The following IRS1 variants were observed in gnomAD, a reference collection of about 807,000 sequenced individuals.
IRS1 encodes insulin receptor substrate 1.
In IRS1, 34 loss-of-function variants were observed where a neutral mutation model predicts 65.6. The ratio of observed to expected loss-of-function variants is 0.52; its 90% CI spans 0.39 to 0.69. The LOEUF (loss-of-function observed/expected upper bound fraction) is 0.69, where lower values mean the gene tolerates loss of function less well. Ranked by LOEUF, IRS1 falls within the 30% of genes least tolerant of loss-of-function variation. The pLI is 0.00. For missense variants in IRS1, 1,641 were observed against 1,720.2 expected (o/e 0.95, Z 0.81); for synonymous variants, 699 against 683.5 (o/e 1.02, Z -0.35).
At chr2:226,747,909 T>C (rs994499713) in intron 1 of IRS1, among the ~76,000 whole-genome samples, 14 of 152,218 alleles carry the variant, frequency 9.2e-5, no homozygotes, top group Non-Finnish European at 1.9e-4. Context: ...TGGCTTCTAA[T>C]GGGTAAGGGC....
At position 226,798,306 on chromosome 2, in the gene IRS1, C is replaced by A. The variant is rs149302344; in HGVS notation, c.433G>T (p.Ala145Ser). The change falls in exon 1 of 2, where the codon GCT (alanine) becomes TCT (serine). Residue 145 changes from alanine (A) to serine (S), a missense_variant. Transcript: ENST00000305123. This position sits in a 1 kb window ranked among gnomAD's most constrained non-coding sequence, Gnocchi z 9.4. ...TCACCGTAGCTCAAGTCCTCCCCAG[C>A]CTCACCAAGGCCGGAGCTGCCGCTG... is the stretch of plus-strand genomic sequence containing the variant. ...SCSGSSGLGEAGEDLSYGDVP... is the reference protein window; with the variant it reads ...SCSGSSGLGESGEDLSYGDVP... The A allele has an allele frequency of 3.1e-6, 5 of 1,613,100 alleles. No individual in the cohort carries two copies. Among genetic ancestry groups the A allele is most frequent in the African/African-American group, 2.7e-5 (2 of 74,930 alleles).
chr2:226,796,035 C>G lies in IRS1; in HGVS notation c.2704G>C (p.Gly902Arg), dbSNP rs1939713250. Residue 902 changes from glycine to arginine, a missense_variant, in exon 1 of 2, where the codon GGG (glycine) becomes CGG (arginine). Coordinates refer to ENST00000305123, the MANE Select transcript of IRS1 (RefSeq NM_005544.3). ...GACAAGTAGCCAGACTGATCACTCCCAAATTCAATATTGACATATTCCCCC... is the reference window on the plus strand; with the variant it reads ...GACAAGTAGCCAGACTGATCACTCCGAAATTCAATATTGACATATTCCCCC... The part of the protein sequence containing the change: ...SPGEYVNIEF[G>R]SDQSGYLSGP... 1 of 1,614,172 alleles carries G rather than the reference C, an allele frequency of 6.2e-7. No homozygotes were observed. The highest frequency in any genetic ancestry group is 1.3e-5 in the African/African-American group (1 of 75,070).
In IRS1 at chr2:226,795,652, G is replaced by A. The variant is rs41272723; in HGVS notation, c.3087C>T (p.Ala1029=). The A allele has an allele frequency of 1.1e-4, 184 of 1,612,986 alleles. No individual in the cohort carries two copies. The highest frequency in any genetic ancestry group is 1.4e-4 in the Non-Finnish European group (168 of 1,179,932). The change falls in exon 1 of 2, where the codon GCC becomes GCT. Residue 1029 remains alanine (A), a synonymous_variant. Coordinates refer to ENST00000305123, the MANE Select transcript of IRS1 (RefSeq NM_005544.3). The part of the protein sequence containing the change: ...IAAEEVSLPR[A]TMAAASSSSA... ...AGGATGAGGAGGCAGCAGCCATGGT[G>A]GCCCTGGGCAGGCTCACCTCCTCTG...
chr2:226,768,938 C>A (rs528370674), intron 1 of IRS1, among the ~76,000 whole-genome samples: 2 of 152,146 alleles, frequency 1.3e-5, no homozygotes, highest in Non-Finnish European at 2.9e-5. Context: ...CCCAGCGAAT[C>A]CTTCTTTAAA....
Position 226,766,121 on chromosome 2 carries a change from T to TATATATATA in IRS1, c.*21+28867_*21+28868insTATATATAT, listed in dbSNP as rs1553531211. On this transcript the variant is annotated intron_variant, in intron 1 of 1. Coordinates refer to ENST00000305123, the MANE Select transcript of IRS1 (RefSeq NM_005544.3). ...ATTTTCCCAAGGCCCTCTCTTAATC[T>TATATATATA]TATATATATATATATATATATATAT... Among the ~76,000 whole-genome samples, 30 of 14,238 alleles carry TATATATATA rather than the reference T, an allele frequency of 2.1e-3. 1 individual carries two copies. Among genetic ancestry groups the TATATATATA allele is most frequent in the Middle Eastern group, 0.036 (1 of 28 alleles). 9.3% of individuals were successfully genotyped at this position (14,238 alleles called of 152,430 possible).
intron 1 of IRS1, among the ~76,000 whole-genome samples, chr2:226,782,657 T>G (rs1939405493): frequency 6.6e-6 from 1 of 152,188 alleles, no homozygotes; most frequent in Non-Finnish European, 1.5e-5. Flanking sequence ...TCCCTTCCAG[T>G]ACCATATTTG....
chr2:226,766,682 CTGG>C (rs1939054860), intron 1 of IRS1, among the ~76,000 whole-genome samples: 1 of 152,104 alleles, frequency 6.6e-6, no homozygotes, highest in Admixed American at 6.5e-5. Context: ...TGAAGGATCA[CTGG>C]TATTAAGTAT....
chr2:226,779,710 T>G lies in IRS1; in HGVS notation c.*21+15279A>C, dbSNP rs551553801. ...TATAAAAGTTCTTGGATCCTAAGTT[T>G]TAGCTCAATACTTCAAATGTCCAAC... On this transcript the variant is annotated intron_variant, in intron 1 of 1. Coordinates refer to ENST00000305123, the MANE Select transcript of IRS1 (RefSeq NM_005544.3). Among the ~76,000 whole-genome samples the G allele has an allele frequency of 2.0e-5, 3 of 152,336 alleles. No individual in the cohort carries two copies. In the East Asian group the frequency reaches 5.8e-4, roughly 29 times the overall value.
rs777028285 is a variant in IRS1 at position 226,797,233 on chromosome 2, C to A, written c.1506G>T (p.Thr502=). ...CTTCATCCCCAGCCAAGGCTGGACT[C>A]GTGCCCAAGCCTGTTCCTGGGGTGC... ...HRCTPGTGLG[T]SPALAGDEAA... The change falls in exon 1 of 2, where the codon ACG becomes ACT. Residue 502 remains threonine, a synonymous_variant. Coordinates refer to ENST00000305123, the MANE Select transcript of IRS1 (RefSeq NM_005544.3). This position sits in a 1 kb window ranked among gnomAD's most constrained non-coding sequence, Gnocchi z 8.1. 1 of 1,613,506 alleles carries A rather than the reference C, an allele frequency of 6.2e-7. No individual in the cohort carries two copies.
intron 1 of IRS1, among the ~76,000 whole-genome samples, chr2:226,766,157 A>ATT (rs1939040644): frequency 1.7e-4 from 1 of 5,786 alleles, no homozygotes; most frequent in Non-Finnish European, 4.0e-4. Context: ...ATATATATAT[A>ATT]TATATATTTT....
intron 1 of IRS1, among the ~76,000 whole-genome samples, chr2:226,762,689 C>A (rs1260632371): frequency 6.6e-6 from 1 of 152,132 alleles, no homozygotes; most frequent in Non-Finnish European, 1.5e-5. Flanking sequence ...TACTGTAAAG[C>A]CAGAAGAACT....
At chr2:226,747,058 G>A (rs1938561970) in intron 1 of IRS1, among the ~76,000 whole-genome samples, 1 of 152,026 alleles carries the variant, frequency 6.6e-6, no homozygotes, top group Admixed American at 6.6e-5. Context: ...CCAAAGTGCT[G>A]GGATTGCAGG....
chr2:226,799,224 G>T lies in IRS1; in HGVS notation c.-486C>A. On this transcript the variant is annotated 5_prime_UTR_variant, in exon 1 of 2. Coordinates refer to ENST00000305123, the MANE Select transcript of IRS1 (RefSeq NM_005544.3). This position sits in a 1 kb window ranked among gnomAD's most constrained non-coding sequence, Gnocchi z 6.1. The stretch of plus-strand genomic sequence containing the variant: ...GCAAATTAAATATCCTTGGGCAGGG[G>T]GAGGCGGGTTGCCAAGTCCCAACGT... The T allele has an allele frequency of 8.9e-7, 1 of 1,118,930 alleles. No individual in the cohort carries two copies. The highest frequency in any genetic ancestry group is 1.1e-6 in the Non-Finnish European group (1 of 898,300). The allele number at this position is 1,118,930 out of a possible 1,614,324, so 69.3% of individuals were successfully genotyped here. A position where few individuals can be genotyped will look rare whatever the true frequency, so the allele number is the denominator to read the frequency against.
At chr2:226,784,296 CTTACT>C (rs1198953981) in intron 1 of IRS1, among the ~76,000 whole-genome samples, 2 of 152,102 alleles carry the variant, frequency 1.3e-5, no homozygotes, top group African/African-American at 2.4e-5. Context: ...TTCATTCCTC[CTTACT>C]TTAATCTGGA....
chr2:226,791,653 G>T (rs902934530), intron 1 of IRS1, among the ~76,000 whole-genome samples: 3 of 151,868 alleles, frequency 2.0e-5, no homozygotes, highest in Non-Finnish European at 4.4e-5. Flanking sequence ...CGCCACCACC[G>T]CCAGGGGACC....
In IRS1 at chr2:226,795,328, A is replaced by ATCC; in HGVS notation, c.3408_3410dup (p.Glu1136dup). 5 of 1,613,420 alleles carry ATCC rather than the reference A, an allele frequency of 3.1e-6. No individual in the cohort carries two copies. The highest frequency in any genetic ancestry group is 1.1e-5 in the South Asian group (1 of 91,086). ...AGGAAGCAGAGCTGTGGCGTTTCACATCCTCGCTGCTGCTGCTGCTACCGC... is the reference window on the plus strand; with the variant it reads ...AGGAAGCAGAGCTGTGGCGTTTCACATCCTCCTCGCTGCTGCTGCTGCTACCGC... On this transcript the variant is annotated inframe_insertion, in exon 1 of 2. Transcript: ENST00000305123.
In IRS1 at chr2:226,796,767, C is replaced by T. The variant is rs751198979; in HGVS notation, c.1972G>A (p.Asp658Asn). Residue 658 changes from aspartate to asparagine, a missense_variant, in exon 1 of 2, where the codon GAC becomes AAC. This residue lies in a region of IRS1 where 1,324 missense variants were observed against 1,361.0 expected (regional missense o/e 0.97). Coordinates refer to ENST00000305123, the MANE Select transcript of IRS1 (RefSeq NM_005544.3). ...NPIRRHPQRVDPNGYMMMSPS... is the reference protein window; with the variant it reads ...NPIRRHPQRVNPNGYMMMSPS... ...GACATCATCATGTAGCCATTGGGGT[C>T]CACTCTCTGGGGATGGCGTCTGATG... 5.6e-6 allele frequency: 9 copies of T among 1,598,666 alleles called. No individual in the cohort carries two copies. The Admixed American group carries it at 1.5e-4, about 27-fold the overall frequency.
chr2:226,749,403 C>T (rs1269323460), intron 1 of IRS1, among the ~76,000 whole-genome samples: 1 of 152,208 alleles, frequency 6.6e-6, no homozygotes, highest in Non-Finnish European at 1.5e-5. Context: ...TGACTTGCCC[C>T]ACATCATTTC....
chr2:226,752,866 CACTTG>C (rs1045775813), intron 1 of IRS1, among the ~76,000 whole-genome samples: 1 of 152,200 alleles, frequency 6.6e-6, no homozygotes, highest in Non-Finnish European at 1.5e-5. Flanking sequence ...GGACCTCGGG[CACTTG>C]ATCAGCCTCA....
Sources: gnomAD v4.1 joint callset for allele counts (sites outside exome capture counted in the v4.1 genomes callset) on GRCh38, gnomAD v4.1.1 for gene constraint, gnomAD v4.1.1 regional missense constraint, Gnocchi (gnomAD v3.1) non-coding constraint, MANE v1.5 for transcripts, NCBI Gene and HGNC (gene_info 2026-07-23, HGNC 2026-07-21) for gene names.